Variants in ALG14 observed in about 807,000 individuals in gnomAD.
ALG14 encodes UDP-N-acetylglucosamine transferase subunit ALG14.
A neutral mutation model predicts 22.8 loss-of-function variants in ALG14; 17 were observed. That is an observed-to-expected ratio of 0.75 (90% confidence interval 0.51 to 1.12). The LOEUF is 1.12. Among genes scored for constraint, ALG14 ranks in the 50% most tolerant of loss-of-function variants. ALG14 has a pLI of 0.00. For synonymous variants in ALG14, 89 were observed against 103.7 expected, an observed-to-expected ratio of 0.86 and a Z score of 0.86; for missense variants, 288 against 271.8, an observed-to-expected ratio of 1.06 and a Z score of -0.42.
At chr1:95,061,480 TGA>T (rs145444454) in intron 2 of ALG14, 45 of 147,528 alleles carry the variant, frequency 3.1e-4, no homozygotes, top group Admixed American at 5.4e-4. Flanking sequence ...CAAACAGCCT[TGA>T]GAGAGAGAGA....
chr1:95,053,209 C>A (rs1674811788), intron 2 of ALG14, among the ~76,000 whole-genome samples: 2 of 152,062 alleles, frequency 1.3e-5, no homozygotes, highest in African/African-American at 4.8e-5. Flanking sequence ...TGGGAAAATA[C>A]ATACCATGCA....
At chr1:95,052,315 A>G (rs1674775047) in intron 2 of ALG14, among the ~76,000 whole-genome samples, 1 of 152,218 alleles carries the variant, frequency 6.6e-6, no homozygotes, top group Non-Finnish European at 1.5e-5. Flanking sequence ...AAATAAGCAC[A>G]ACTGTATAAA....
chr1:95,055,262 G>C (rs1674886084), intron 2 of ALG14, among the ~76,000 whole-genome samples: 1 of 152,144 alleles, frequency 6.6e-6, no homozygotes, highest in African/African-American at 2.4e-5. Context: ...ACTATTTGCA[G>C]ATGATTAGAT....
Position 95,011,418 on chromosome 1 carries a change from ATTTC to A in ALG14, c.420+15707_420+15710del, listed in dbSNP as rs556599742. 4.9e-4 allele frequency among the ~76,000 whole-genome samples: 74 copies of A among 151,612 alleles called. 1 individual carries two copies. Among genetic ancestry groups the A allele is most frequent in the African/African-American group, 1.5e-3 (64 of 41,336 alleles). ...CAGACTCCAGGACTGTGAGAAATAA[ATTTC>A]TTTCTTTCTTTTTTTTTTTTTGAGA... On this transcript the variant is annotated intron_variant, in intron 3 of 3. Transcript: ENST00000370205.
At chr1:94,999,285 A>T (rs1302765309) in intron 3 of ALG14, among the ~76,000 whole-genome samples, 4 of 117,090 alleles carry the variant, frequency 3.4e-5, no homozygotes, top group Non-Finnish European at 7.4e-5. Context: ...CCACAAAGTT[A>T]AAAAAAAAAA....
chr1:95,015,753 A>C (rs1673480775), intron 3 of ALG14, among the ~76,000 whole-genome samples: 1 of 152,216 alleles, frequency 6.6e-6, no homozygotes, highest in African/African-American at 2.4e-5. Flanking sequence ...GAAAACAAAG[A>C]AGACAGAAGC....
intron 2 of ALG14, among the ~76,000 whole-genome samples, chr1:95,052,467 AAAAAT>A (rs1357507987): frequency 2.6e-5 from 4 of 152,230 alleles, no homozygotes; most frequent in Non-Finnish European, 5.9e-5. Flanking sequence ...AGAATGAGAA[AAAAAT>A]AAAATAAAAA....
At chr1:95,028,426 T>G (rs557347858) in intron 2 of ALG14, among the ~76,000 whole-genome samples, 1 of 152,324 alleles carries the variant, frequency 6.6e-6, no homozygotes, top group South Asian at 2.1e-4. Context: ...CCTGAACTTC[T>G]GGGCTCAAGT....
intron 2 of ALG14, among the ~76,000 whole-genome samples, chr1:95,048,754 G>A (rs1029521825): frequency 6.6e-6 from 1 of 150,734 alleles, no homozygotes; most frequent in African/African-American, 2.4e-5. Context: ...GCTTTTCAAG[G>A]TATTTTTTTT....
intron 3 of ALG14, 101 bp downstream of exon 3, chr1:95,027,028 C>T (rs773931181): frequency 1.1e-5 from 15 of 1,427,854 alleles, no homozygotes; most frequent in Admixed American, 2.1e-5. Context: ...CTACCTGGCA[C>T]ACTAATAAAT....
chr1:95,012,182 C>T (rs1673384748), intron 3 of ALG14, among the ~76,000 whole-genome samples: 4 of 152,230 alleles, frequency 2.6e-5, no homozygotes, highest in Admixed American at 2.6e-4. Flanking sequence ...GTCCATTAAA[C>T]CTCTTTTTCT....
chr1:95,027,533 A>G (rs1418855527), intron 2 of ALG14, among the ~76,000 whole-genome samples: 1 of 152,260 alleles, frequency 6.6e-6, no homozygotes, highest in Non-Finnish European at 1.5e-5. Flanking sequence ...TGTTTCAGGC[A>G]AAGAATTTAA....
chr1:95,032,337 G>A (rs903259762), intron 2 of ALG14, among the ~76,000 whole-genome samples: 1 of 152,098 alleles, frequency 6.6e-6, no homozygotes, highest in Non-Finnish European at 1.5e-5. Context: ...ATTTGCAAGG[G>A]CCACTCTTTA....
chr1:94,995,789 G>C (rs1332341968), intron 3 of ALG14, among the ~76,000 whole-genome samples: 1 of 152,148 alleles, frequency 6.6e-6, no homozygotes, highest in East Asian at 1.9e-4. Flanking sequence ...CAATAAAAAC[G>C]TCCTTCACTG....
chr1:94,991,310 ATTT>A (rs887593278), intron 3 of ALG14, among the ~76,000 whole-genome samples: 3 of 152,194 alleles, frequency 2.0e-5, no homozygotes, highest in Non-Finnish European at 4.4e-5. Flanking sequence ...TTATTAGGTG[ATTT>A]CACTGTGTGT....
intron 2 of ALG14, among the ~76,000 whole-genome samples, chr1:95,059,397 C>CAAAAAAAA (rs67569341): frequency 1.3e-5 from 1 of 78,586 alleles, no homozygotes. Flanking sequence ...GACTCTGTCT[C>CAAAAAAAA]AAAAAAAAAA....
chr1:95,011,692 G>C (rs1673367893), intron 3 of ALG14, among the ~76,000 whole-genome samples: 1 of 152,072 alleles, frequency 6.6e-6, no homozygotes, highest in African/African-American at 2.4e-5. Context: ...TGGGATTACA[G>C]GTGTGAGCCG....
At chr1:94,997,964 G>T (rs925525835) in intron 3 of ALG14, among the ~76,000 whole-genome samples, 1 of 152,074 alleles carries the variant, frequency 6.6e-6, no homozygotes, top group Non-Finnish European at 1.5e-5. Flanking sequence ...CACAGTCCAG[G>T]CATCTCCTGT....
rs893236927 is a variant in ALG14 at position 95,000,112 on chromosome 1, A to T, written c.421-16806T>A. On this transcript the variant is annotated intron_variant, in intron 3 of 3. Coordinates refer to ENST00000370205, the MANE Select transcript of ALG14 (RefSeq NM_144988.4). ...TCCTGGATTAAAAGTTCCTTCCTAAACTCACTGCCTATACTGTTATTCTTC... is the reference window on the plus strand; with the variant it reads ...TCCTGGATTAAAAGTTCCTTCCTAATCTCACTGCCTATACTGTTATTCTTC... Among the ~76,000 whole-genome samples, 4 of 152,106 alleles carry T rather than the reference A, an allele frequency of 2.6e-5. No individual in the cohort carries two copies. In the South Asian group the frequency reaches 8.3e-4, roughly 32 times the overall value.
Sources: allele counts gnomAD v4.1 joint callset (sites outside exome capture counted in the v4.1 genomes callset), GRCh38; gene constraint gnomAD v4.1.1; transcripts MANE v1.5; gene names NCBI Gene and HGNC (gene_info 2026-07-23, HGNC 2026-07-21).